The following TACC2 variants were observed in gnomAD, a reference collection of about 807,000 sequenced individuals.
TACC2 encodes the protein transforming acidic coiled-coil containing protein 2.
Under a neutral mutation model 227.3 loss-of-function variants are expected in TACC2, and 137 were observed. The observed-to-expected ratio is 0.60, with a 90% CI of 0.52 to 0.69. TACC2 has a LOEUF of 0.69. TACC2 is among the 30% of genes least tolerant of loss of function. TACC2 has a pLI of 0.00. For synonymous variants in TACC2, 1,523 were observed against 1,487.5 expected, an observed-to-expected ratio of 1.02 and a Z score of -0.55; for missense variants, 3,470 against 3,694.4, an observed-to-expected ratio of 0.94 and a Z score of 1.57.
At chr10:122,179,799 A>G (rs902152492) in intron 7 of TACC2, among the ~76,000 whole-genome samples, 1 of 152,100 alleles carries the variant, frequency 6.6e-6, no homozygotes, top group African/African-American at 2.4e-5. Context: ...TTAAAAAATT[A>G]GCAGACGTGG....
At chr10:122,195,333 A>C (rs2140561327) in intron 8 of TACC2, among the ~76,000 whole-genome samples, 157 bp downstream of exon 8, 2 of 152,336 alleles carry the variant, frequency 1.3e-5, no homozygotes, top group South Asian at 4.1e-4. Flanking sequence ...TTTTCTTGAA[A>C]ATGAAGGGTG....
At chr10:121,996,836 C>A (rs118051595) in intron 1 of TACC2, among the ~76,000 whole-genome samples, 1 of 151,920 alleles carries the variant, frequency 6.6e-6, no homozygotes, top group Admixed American at 6.6e-5. Context: ...AGGAGTGAGA[C>A]GTCAGGGCAG....
At chr10:122,048,511 T>C (rs961682927) in intron 2 of TACC2, among the ~76,000 whole-genome samples, 1 of 143,480 alleles carries the variant, frequency 7.0e-6, no homozygotes, top group Non-Finnish European at 1.5e-5. Context: ...TTTCTTTTCC[T>C]TTCCCCTATT....
At chr10:122,220,537 T>C (rs941892867) in intron 11 of TACC2, among the ~76,000 whole-genome samples, 1 of 152,144 alleles carries the variant, frequency 6.6e-6, no homozygotes, top group Non-Finnish European at 1.5e-5. Flanking sequence ...ATTAATGTAA[T>C]GAGGTCCAGT....
In TACC2 at chr10:122,083,935, G is replaced by A. The variant is rs1310638638; in HGVS notation, c.1435G>A (p.Gly479Arg). ...ERQVSDLGSKGEHPEGDPGEV... is the reference protein window; with the variant it reads ...ERQVSDLGSKREHPEGDPGEV... ...GCAGGTGTCAGATCTTGGAAGCAAG[G>A]GAGAGCATCCAGAAGGGGACCCTGG... The change falls in exon 4 of 23, where the codon GGA becomes AGA. Residue 479 changes from glycine (G) to arginine (R), a missense_variant. Physicochemically the swap from Gly to Arg is moderately radical, Grantham distance 125. This residue lies in a region of TACC2 where 1,924 missense variants were observed against 1,978.3 expected (regional missense o/e 0.97). Coordinates refer to ENST00000369005, the MANE Select transcript of TACC2 (RefSeq NM_206862.4). 1.2e-6 allele frequency: 2 copies of A among 1,613,968 alleles called. No individual in the cohort carries two copies. The highest frequency in any genetic ancestry group is 1.3e-5 in the African/African-American group (1 of 74,916).
At chr10:122,127,344 G>C (rs1191306252) in intron 5 of TACC2, among the ~76,000 whole-genome samples, 5 of 152,224 alleles carry the variant, frequency 3.3e-5, no homozygotes, top group Non-Finnish European at 7.3e-5. Flanking sequence ...TCTTCCTGTG[G>C]CATGGATCCT....
chr10:122,049,605 C>T (rs1009834260), intron 2 of TACC2, among the ~76,000 whole-genome samples: 4 of 152,016 alleles, frequency 2.6e-5, no homozygotes, highest in Non-Finnish European at 5.9e-5. Flanking sequence ...ACAGGGTCGC[C>T]GCTGGGGAAA....
chr10:122,088,054 T>C, intron 4 of TACC2, 95 bp downstream of exon 4: 1 of 1,338,448 alleles, frequency 7.5e-7, no homozygotes, highest in Non-Finnish European at 9.7e-7. Context: ...AGGTGAGTGG[T>C]TTTCTAAAAG....
chr10:122,215,299 C>T, intron 9 of TACC2, 92 bp from the exon 10 acceptor site: 1 of 1,192,818 alleles, frequency 8.4e-7, no homozygotes, highest in Admixed American at 1.7e-5. Context: ...CCAGATGGCT[C>T]CGCAGAGGCA....
intron 7 of TACC2, among the ~76,000 whole-genome samples, chr10:122,147,628 G>A (rs1287189503): frequency 1.3e-5 from 2 of 152,218 alleles, no homozygotes; most frequent in South Asian, 2.1e-4. Context: ...ATTCAATCAT[G>A]TATTTATATC....
rs151198040 is a variant in TACC2 at position 122,085,351 on chromosome 10, G to A, written c.2851G>A (p.Gly951Arg). Reference sequence around the variant, plus strand: ...TGCACTAGGGGAGAAGCGGCCAGAGGGAGCATGCGGTGATGGTCAGTCCTC... The same window carrying A: ...TGCACTAGGGGAGAAGCGGCCAGAGAGAGCATGCGGTGATGGTCAGTCCTC... ...LPALGEKRPE[G>R]ACGDGQSSRV... Residue 951 changes from glycine (G) to arginine (R), a missense_variant, in exon 4 of 23, where the codon GGA becomes AGA. Gly to Arg is a moderately radical substitution (Grantham distance 125). Around this residue, in one of 10 missense-constraint regions of TACC2, gnomAD observed 1,924 missense variants for 1,978.3 expected, o/e 0.97. Transcript: ENST00000369005. 7.4e-6 allele frequency: 12 copies of A among 1,613,886 alleles called. No homozygotes were observed. Among genetic ancestry groups the A allele is most frequent in the Non-Finnish European group, 1.0e-5 (12 of 1,180,038 alleles).
Position 122,237,436 on chromosome 10 carries a change from A to G in TACC2, c.8169A>G (p.Thr2723=), listed in dbSNP as rs1007551291. The G allele has an allele frequency of 2.5e-6, 4 of 1,613,692 alleles. No homozygotes were observed. In the African/African-American group the frequency reaches 5.3e-5, roughly 22 times the overall value. ...AHPTDVSISK[T]ALYSRIGTAE... Reference sequence around the variant, plus strand: ...CAACAGACGTCTCCATCTCCAAAACAGCCTTGTACTCCCGCATCGGGACCG... The same window carrying G: ...CAACAGACGTCTCCATCTCCAAAACGGCCTTGTACTCCCGCATCGGGACCG... The change falls in exon 17 of 23, where the codon ACA becomes ACG. Residue 2723 remains threonine, a synonymous_variant. Transcript: ENST00000369005.
At chr10:122,125,062 T>G (rs796556898) in intron 5 of TACC2, among the ~76,000 whole-genome samples, 4 of 151,310 alleles carry the variant, frequency 2.6e-5, no homozygotes, top group African/African-American at 9.7e-5. Context: ...CAGAACCTGC[T>G]CAAATTCACC....
chr10:122,185,021 C>A (rs1212576273), intron 7 of TACC2, among the ~76,000 whole-genome samples: 1 of 95,316 alleles, frequency 1.0e-5, no homozygotes, highest in East Asian at 3.0e-4. Context: ...GTCACTTATT[C>A]TTTTTTTTTT....
chr10:122,111,192 C>T (rs912432636), intron 5 of TACC2, among the ~76,000 whole-genome samples: 2 of 43,872 alleles, frequency 4.6e-5, no homozygotes, highest in Non-Finnish European at 1.5e-4. Context: ...CCATCTACAA[C>T]CTTCATTCCC....
rs541673799 is a variant in TACC2 at position 122,151,681 on chromosome 10, G to A, written c.5834+7975G>A. Among the ~76,000 whole-genome samples, 37 of 152,206 alleles carry A rather than the reference G, an allele frequency of 2.4e-4. No homozygotes were observed. In the Middle Eastern group the frequency reaches 0.024, roughly 98 times the overall value. ...TCTGGTGGCGAGGAGGAGGGTGGGT[G>A]GAGGAGAGGCCAGAGGTCAGAGGGC... is the stretch of plus-strand genomic sequence containing the variant. On this transcript the variant is annotated intron_variant, in intron 7 of 22. Transcript: ENST00000369005.
chr10:122,191,996 C>A (rs2094427837), intron 7 of TACC2, among the ~76,000 whole-genome samples: 1 of 152,116 alleles, frequency 6.6e-6, no homozygotes, highest in African/African-American at 2.4e-5. Context: ...GAAATCCTTG[C>A]TCTTAGAAAT....
intron 3 of TACC2, among the ~76,000 whole-genome samples, chr10:122,074,141 C>T (rs941601715): frequency 5.6e-5 from 8 of 143,336 alleles, no homozygotes; most frequent in East Asian, 4.3e-4. Context: ...AATGCAGTGG[C>T]GTGATCTTGG....
At chr10:122,121,924 C>A (rs558568659) in intron 5 of TACC2, among the ~76,000 whole-genome samples, 134 of 152,326 alleles carry the variant, frequency 8.8e-4, no homozygotes, top group African/African-American at 3.2e-3. Context: ...CTATGGCATG[C>A]CCACTAGAGG....
Sources: allele counts gnomAD v4.1 joint callset (sites outside exome capture counted in the v4.1 genomes callset), GRCh38; gene constraint gnomAD v4.1.1; regional missense constraint gnomAD v4.1.1; transcripts MANE v1.5; gene names NCBI Gene and HGNC (gene_info 2026-07-23, HGNC 2026-07-21).